C12orf42: variants seen among roughly 807,000 people sequenced by gnomAD.
The protein encoded by C12orf42 is uncharacterized protein C12orf42.
C12orf42 carries 25 observed loss-of-function variants against 21.6 expected under a neutral mutation model. That is an observed-to-expected ratio of 1.16 (90% CI 0.84 to 1.62). C12orf42 has a LOEUF of 1.62. Ranked by LOEUF, C12orf42 falls within the 40% of genes most tolerant of loss-of-function variation. The pLI, the probability that C12orf42 is intolerant of heterozygous loss-of-function variation, is 0.00. For missense variants in C12orf42, 483 were observed against 459.3 expected, an observed-to-expected ratio of 1.05 and a Z score of -0.47; for synonymous variants, 174 against 175.0, an observed-to-expected ratio of 0.99 and a Z score of 0.05.
the C12orf42 span, among the ~76,000 whole-genome samples, chr12:103,057,714 C>A: frequency 2.0e-5 from 3 of 151,980 alleles, no homozygotes; most frequent in Admixed American, 2.0e-4. Context: ...TAGGTATATA[C>A]CCAGTAATAG....
intron 4 of C12orf42, among the ~76,000 whole-genome samples, chr12:103,358,496 G>A (rs1257758840): frequency 6.6e-6 from 1 of 151,804 alleles, no homozygotes; most frequent in Non-Finnish European, 1.5e-5. Context: ...TGAGTCCACA[G>A]AAGACATAAG....
At chr12:103,267,674 C>T (rs1057354366), downstream of C12orf42, 1 of 152,100 alleles carries the variant, frequency 6.6e-6, no homozygotes, top group Admixed American at 6.6e-5. Context: ...AAGGACACTT[C>T]GTTTCTCAGT....
intron 4 of C12orf42, among the ~76,000 whole-genome samples, chr12:103,318,195 A>T (rs540007249): frequency 3.9e-5 from 6 of 152,290 alleles, no homozygotes; most frequent in Middle Eastern, 3.4e-3. Context: ...AGGTTGAGGT[A>T]GGAAGACTAC....
intron 2 of C12orf42, among the ~76,000 whole-genome samples, chr12:103,422,848 G>C (rs1386040635): frequency 7.0e-6 from 1 of 143,320 alleles, no homozygotes; most frequent in East Asian, 2.0e-4. Context: ...AAAAAAAAAA[G>C]ACACAACACC....
chr12:103,057,872 G>C, the C12orf42 span, among the ~76,000 whole-genome samples: 1 of 151,718 alleles, frequency 6.6e-6, no homozygotes, highest in Non-Finnish European at 1.5e-5. Flanking sequence ...ATTGTTTCTT[G>C]ACTTTTTATA....
the C12orf42 span, among the ~76,000 whole-genome samples, chr12:103,511,023 A>G: frequency 3.9e-5 from 6 of 152,208 alleles, 1 homozygote; most frequent in South Asian, 1.2e-3. Flanking sequence ...TCATGAAGCC[A>G]GTGGACAGGG....
At chr12:103,223,871 GC>G in the C12orf42 span, among the ~76,000 whole-genome samples, 1 of 152,214 alleles carries the variant, frequency 6.6e-6, no homozygotes, top group South Asian at 2.1e-4. Flanking sequence ...TGGTGGCTGA[GC>G]TTGGTGAGGT....
rs1044494266 is a variant in C12orf42, at chr12:103,474,310, A to G, written c.78+4039T>C. ...TGACAAAGTAGAATTAAAATTACCA[A>G]AACGGAAAATTGTAGAGTGCCATTT... is the stretch of plus-strand genomic sequence containing the variant. On this transcript the variant is annotated intron_variant, in intron 2 of 5. Transcript: ENST00000548883. 3.3e-5 allele frequency among the ~76,000 whole-genome samples: 5 copies of G among 152,172 alleles called. No homozygotes were observed. In the East Asian group the frequency reaches 9.6e-4, roughly 29 times the overall value.
chr12:103,103,418 C>T, the C12orf42 span, among the ~76,000 whole-genome samples: 1 of 152,148 alleles, frequency 6.6e-6, no homozygotes, highest in Non-Finnish European at 1.5e-5. Flanking sequence ...ATATTTCTCA[C>T]ATAAACAAGG....
At chr12:103,440,714 T>C (rs1425368580) in intron 2 of C12orf42, among the ~76,000 whole-genome samples, 2 of 152,240 alleles carry the variant, frequency 1.3e-5, no homozygotes, top group African/African-American at 2.4e-5. Flanking sequence ...AAAACCCAGA[T>C]TGGCCTAACT....
At chr12:103,187,304 C>T in the C12orf42 span, among the ~76,000 whole-genome samples, 1 of 152,120 alleles carries the variant, frequency 6.6e-6, no homozygotes. Context: ...CAATTAACTG[C>T]CTTACAGAAT....
chr12:103,275,862 A>G (rs145371165), intron 5 of C12orf42, among the ~76,000 whole-genome samples: 383 of 152,026 alleles, frequency 2.5e-3, no homozygotes, highest in African/African-American at 8.9e-3. Context: ...GGTTGAGACC[A>G]GAGTTTGAGA....
At chr12:103,215,364 A>C in the C12orf42 span, among the ~76,000 whole-genome samples, 1 of 152,104 alleles carries the variant, frequency 6.6e-6, no homozygotes, top group African/African-American at 2.4e-5. Flanking sequence ...AAATCTGATA[A>C]TGACACTGGT....
chr12:103,487,547 C>T (rs1213323983), intron 1 of C12orf42, among the ~76,000 whole-genome samples: 1 of 152,166 alleles, frequency 6.6e-6, no homozygotes, highest in African/African-American at 2.4e-5. Context: ...CCAATATTAA[C>T]AGTGGGGTGT....
chr12:103,332,450 A>T (rs57605722), intron 4 of C12orf42, among the ~76,000 whole-genome samples: 6,591 of 152,286 alleles, frequency 0.043, 452 homozygotes, highest in African/African-American at 0.15. Flanking sequence ...ACAGAGATGC[A>T]GCTGACACAC....
chr12:103,538,989 G>A, the C12orf42 span, among the ~76,000 whole-genome samples: 2 of 152,250 alleles, frequency 1.3e-5, no homozygotes, highest in East Asian at 1.9e-4. Context: ...TCAGAAAAGC[G>A]AAGAAGGCAA....
the C12orf42 span, chr12:103,161,354 C>T: frequency 2.0e-5 from 3 of 149,852 alleles, no homozygotes; most frequent in African/African-American, 7.5e-5. Context: ...TGACTAGTGC[C>T]TAGCACTAGT....
At chr12:103,123,475 C>A in the C12orf42 span, among the ~76,000 whole-genome samples, 1 of 152,032 alleles carries the variant, frequency 6.6e-6, no homozygotes, top group Non-Finnish European at 1.5e-5. Context: ...AAAAACATGA[C>A]CTGAGAAAGT....
At chr12:103,070,700 G>A in the C12orf42 span, among the ~76,000 whole-genome samples, 1 of 152,106 alleles carries the variant, frequency 6.6e-6, no homozygotes, top group South Asian at 2.1e-4. Context: ...AGAAATGCAG[G>A]TAGGGAAGAG....
Sources: allele counts gnomAD v4.1 joint callset (sites outside exome capture counted in the v4.1 genomes callset), GRCh38; gene constraint gnomAD v4.1.1; transcripts MANE v1.5; gene names NCBI Gene and HGNC (gene_info 2026-07-23, HGNC 2026-07-21).